SHANK2: variants seen among roughly 807,000 people sequenced by gnomAD.
The protein encoded by SHANK2 is SH3 and multiple ankyrin repeat domains 2.
SHANK2 carries 43 observed loss-of-function variants against 133.7 expected under a neutral mutation model. The ratio of observed to expected loss-of-function variants is 0.32; its 90% CI spans 0.25 to 0.41. SHANK2 has a LOEUF of 0.41. Ranked by LOEUF, SHANK2 falls within the 10% of genes least tolerant of loss-of-function variation. The probability of loss-of-function intolerance (pLI) is 1.00; values close to 1 mark genes in which losing one functional copy is unlikely to be tolerated. For synonymous variants in SHANK2, 1,017 were observed against 952.8 expected, an observed-to-expected ratio of 1.07 and a Z score of -1.24; for missense variants, 1,994 against 2,235.8, an observed-to-expected ratio of 0.89 and a Z score of 2.18.
intron 17 of SHANK2, among the ~76,000 whole-genome samples, chr11:70,616,403 G>C (rs1554995959): frequency 1.3e-5 from 2 of 152,098 alleles, no homozygotes; most frequent in African/African-American, 4.8e-5. Flanking sequence ...CTGAGTTGGG[G>C]CCTACAATGA....
chr11:70,541,610 C>T (rs2059622405), intron 17 of SHANK2, among the ~76,000 whole-genome samples: 1 of 152,246 alleles, frequency 6.6e-6, no homozygotes, highest in Non-Finnish European at 1.5e-5. Context: ...TGGTGTCCAA[C>T]TTGGCTCTGA....
intron 14 of SHANK2, among the ~76,000 whole-genome samples, chr11:70,798,024 G>A (rs752842897): frequency 6.6e-6 from 1 of 152,146 alleles, no homozygotes; most frequent in Non-Finnish European, 1.5e-5. Flanking sequence ...GAACTCTTTC[G>A]AGCAGTTTTT....
chr11:70,565,022 G>A (rs1417752495), intron 17 of SHANK2, among the ~76,000 whole-genome samples: 1 of 152,144 alleles, frequency 6.6e-6, no homozygotes, highest in African/African-American at 2.4e-5. Flanking sequence ...TAACATCGGT[G>A]TTAATCCCCA....
intron 14 of SHANK2, among the ~76,000 whole-genome samples, chr11:70,746,528 A>T (rs1946642154): frequency 7.4e-6 from 1 of 136,018 alleles, no homozygotes. Context: ...CACAGCACGC[A>T]TCTCCTCTCC....
intron 14 of SHANK2, among the ~76,000 whole-genome samples, chr11:70,757,837 G>C (rs1226525374): frequency 6.6e-6 from 1 of 152,188 alleles, no homozygotes; most frequent in African/African-American, 2.4e-5. Flanking sequence ...AGGCCTGCAT[G>C]AATGTCCCAG....
chr11:71,148,535 G>A (rs189023680), intron 2 of SHANK2, among the ~76,000 whole-genome samples: 5 of 152,352 alleles, frequency 3.3e-5, no homozygotes, highest in Non-Finnish European at 2.9e-5. Flanking sequence ...GGGACTGGGG[G>A]AGGAGGGGCC....
chr11:71,059,500 A>G (rs1166780328), intron 9 of SHANK2, among the ~76,000 whole-genome samples: 2 of 152,190 alleles, frequency 1.3e-5, no homozygotes, highest in South Asian at 2.1e-4. Flanking sequence ...TTGCATCTCA[A>G]TAGAGGGTCA....
chr11:71,124,728 C>T (rs1555102354), intron 3 of SHANK2, among the ~76,000 whole-genome samples: 1 of 152,162 alleles, frequency 6.6e-6, no homozygotes, highest in Admixed American at 6.5e-5. Flanking sequence ...TCTCTATACA[C>T]ACCCACTGCC....
Position 70,487,490 on chromosome 11 carries a change from C to G in SHANK2, c.2803G>C (p.Ala935Pro), listed in dbSNP as rs199629765. ...NQNSAAKVSP[A>P]TRSDTVATMM... is the part of the protein sequence containing the mutation. ...GTGGCCACGGTGTCGGACCTGGTGGCGGGGGACACCTTGGCGGCAGAATTC... is the reference window on the plus strand; with the variant it reads ...GTGGCCACGGTGTCGGACCTGGTGGGGGGGGACACCTTGGCGGCAGAATTC... The change falls in exon 25 of 26, where the codon GCC (alanine) becomes CCC (proline). Residue 935 changes from alanine (A) to proline (P), a missense_variant. This residue lies in a region of SHANK2 where 488 missense variants were observed against 642.6 expected (regional missense o/e 0.76). Transcript: ENST00000601538. This position sits in a 1 kb window ranked among gnomAD's most constrained non-coding sequence, Gnocchi z 5.8. 1.9e-6 allele frequency: 3 copies of G among 1,613,784 alleles called. No individual in the cohort carries two copies. The highest frequency in any genetic ancestry group is 2.7e-5 in the African/African-American group (2 of 74,834).
At chr11:71,202,176 A>T (rs1954031939) in intron 2 of SHANK2, among the ~76,000 whole-genome samples, 2 of 152,208 alleles carry the variant, frequency 1.3e-5, no homozygotes, top group Non-Finnish European at 1.5e-5. Flanking sequence ...AGGCATCTGC[A>T]TGGGCCTGGT....
At chr11:71,082,556 T>C (rs1305942561) in intron 8 of SHANK2, among the ~76,000 whole-genome samples, 1 of 152,148 alleles carries the variant, frequency 6.6e-6, no homozygotes, top group Non-Finnish European at 1.5e-5. Flanking sequence ...CTGTACACAG[T>C]CCCACCCTGG....
chr11:70,819,492 G>A (rs782170756), intron 12 of SHANK2, among the ~76,000 whole-genome samples: 17 of 152,210 alleles, frequency 1.1e-4, no homozygotes, highest in Non-Finnish European at 2.2e-4. Flanking sequence ...AAAATTCTGG[G>A]AGGTGGCGTG....
intron 14 of SHANK2, among the ~76,000 whole-genome samples, chr11:70,716,745 G>A (rs1945932110): frequency 6.6e-6 from 1 of 152,222 alleles, no homozygotes; most frequent in Non-Finnish European, 1.5e-5. Context: ...GAGTTGCCAG[G>A]CGGGTGAAGA....
intron 17 of SHANK2, among the ~76,000 whole-genome samples, chr11:70,532,229 A>G (rs1554973357): frequency 6.6e-6 from 1 of 152,178 alleles, no homozygotes; most frequent in Non-Finnish European, 1.5e-5. Flanking sequence ...AGGTGCCCCC[A>G]TACTGTGCAA....
intron 2 of SHANK2, among the ~76,000 whole-genome samples, chr11:71,222,662 C>G (rs1164304389): frequency 1.3e-5 from 2 of 152,264 alleles, no homozygotes; most frequent in African/African-American, 4.8e-5. Context: ...CCAAAGGCAG[C>G]TGACTGCTGA....
intron 2 of SHANK2, among the ~76,000 whole-genome samples, chr11:71,189,971 G>A (rs1424068465): frequency 2.0e-5 from 3 of 152,208 alleles, no homozygotes; most frequent in African/African-American, 7.2e-5. Flanking sequence ...CGAGCACGAG[G>A]GCCCAGCCCA....
intron 10 of SHANK2, among the ~76,000 whole-genome samples, chr11:70,896,818 G>T (rs901028648): frequency 1.3e-5 from 2 of 152,180 alleles, no homozygotes; most frequent in Non-Finnish European, 2.9e-5. Flanking sequence ...CCTCTGTCCA[G>T]AAGGCATGTG....
intron 12 of SHANK2, among the ~76,000 whole-genome samples, chr11:70,816,416 G>A (rs1948398293): frequency 6.6e-6 from 1 of 152,220 alleles, no homozygotes; most frequent in South Asian, 2.1e-4. Context: ...ACAGGAGGAA[G>A]TGGGGAGGGC....
rs1292049381 is a variant in SHANK2 at position 70,707,481 on chromosome 11, A to T, written c.1778-8718T>A. 3.3e-5 allele frequency among the ~76,000 whole-genome samples: 5 copies of T among 151,672 alleles called. No homozygotes were observed. In the East Asian group the frequency reaches 9.7e-4, roughly 30 times the overall value. ...TACACTCCAGCCACATTCCATGGGC[A>T]GTGGTCCCCTCTGTTCATGAGACAC... On this transcript the variant is annotated intron_variant, in intron 14 of 25. Coordinates refer to ENST00000601538, the MANE Select transcript of SHANK2 (RefSeq NM_012309.5).
Sources: gnomAD v4.1 joint callset for allele counts (sites outside exome capture counted in the v4.1 genomes callset) on GRCh38, gnomAD v4.1.1 for gene constraint, gnomAD v4.1.1 regional missense constraint, Gnocchi (gnomAD v3.1) non-coding constraint, MANE v1.5 for transcripts, NCBI Gene and HGNC (gene_info 2026-07-23, HGNC 2026-07-21) for gene names.